ZAN: variants seen among roughly 807,000 people sequenced by gnomAD.
ZAN encodes zonadhesin (gene/pseudogene).
A neutral mutation model predicts 286.2 loss-of-function variants in ZAN; 260 were observed. That is an observed-to-expected ratio of 0.91 (90% CI 0.82 to 1.01). The LOEUF (loss-of-function observed/expected upper bound fraction) is 1.01. Among genes scored for constraint, ZAN ranks in the 50% least tolerant of loss-of-function variants. ZAN has a pLI of 0.00. For synonymous variants in ZAN, 1,368 were observed against 1,417.5 expected (o/e 0.97, Z 0.79); for missense variants, 3,410 against 3,639.2 (o/e 0.94, Z 1.62).
At chr7:100,792,912 G>C (rs1812082913) in intron 42 of ZAN, among the ~76,000 whole-genome samples, 2 of 147,292 alleles carry the variant, frequency 1.4e-5, no homozygotes, top group East Asian at 3.9e-4. Flanking sequence ...AGGAGTTCCA[G>C]CCAGGCTGCA....
chr7:100,735,257 A>G (rs1440414150), intron 2 of ZAN, among the ~76,000 whole-genome samples: 1 of 138,338 alleles, frequency 7.2e-6, no homozygotes, highest in Non-Finnish European at 1.6e-5. Flanking sequence ...GAACAAGTAG[A>G]ACTTCAACAA....
intron 23 of ZAN, 42 bp from the exon 24 acceptor site, chr7:100,766,482 CA>C (rs11296431): frequency 0.34 from 521,954 of 1,518,780 alleles, 91,198 homozygotes; most frequent in African/African-American, 0.52. Flanking sequence ...CAAAACAAAG[CA>C]AAAAAAAACA....
chr7:100,738,090 G>A (rs1807440743), intron 6 of ZAN, among the ~76,000 whole-genome samples: 1 of 139,888 alleles, frequency 7.1e-6, no homozygotes, highest in Admixed American at 7.1e-5. Context: ...CCAAGTAGCT[G>A]GGATTACAGG....
At position 100,797,713 on chromosome 7, in the gene ZAN, T is replaced by C. The variant is rs776481881; in HGVS notation, c.8420T>C (p.Val2807Ala). The part of the protein sequence containing the change: ...RLARLVDTDT[V>A]LDCAC The stretch of plus-strand genomic sequence containing the variant: ...TTTCTTGCTTTCTCCTCAGATACTG[T>C]TCTGGACTGTGCCTGTTAAGTTGCT... The change falls in exon 48 of 48, where the codon GTT (valine) becomes GCT (alanine). Residue 2807 changes from valine (V) to alanine (A), a missense_variant. By Grantham distance (64) the Val-to-Ala change is moderately conservative (BLOSUM62 0). This residue lies in a region of ZAN where 1,289 missense variants were observed against 1,314.3 expected (regional missense o/e 0.98). Coordinates refer to ENST00000613979, the MANE Select transcript of ZAN (RefSeq NM_003386.3). 1 of 1,613,978 alleles carries C rather than the reference T, an allele frequency of 6.2e-7. No homozygotes were observed. The highest frequency in any genetic ancestry group is 8.5e-7 in the Non-Finnish European group (1 of 1,179,892).
intron 17 of ZAN, 116 bp from the exon 18 acceptor site, chr7:100,759,605 G>T (rs1167549673): frequency 2.7e-5 from 36 of 1,347,734 alleles, no homozygotes; most frequent in Non-Finnish European, 3.4e-5. Flanking sequence ...ACTGGACTTT[G>T]GGGCTGGTGT....
chr7:100,760,868 AT>A (rs887507239), intron 19 of ZAN, among the ~76,000 whole-genome samples: 3 of 152,072 alleles, frequency 2.0e-5, no homozygotes, highest in Non-Finnish European at 4.4e-5. Context: ...GGCTCCCCAG[AT>A]GGACAAAACA....
chr7:100,772,878 T>C (rs142417548), intron 29 of ZAN, among the ~76,000 whole-genome samples: 1 of 148,002 alleles, frequency 6.8e-6, no homozygotes, highest in Non-Finnish European at 1.5e-5. Context: ...TTGTTTGTTT[T>C]TTTTTTTTTT....
In ZAN at chr7:100,775,336, G is replaced by T. The variant is rs1465856183; in HGVS notation, c.5788G>T (p.Val1930Leu). The change falls in exon 32 of 48, where the codon GTG becomes TTG. Residue 1930 changes from valine (V) to leucine (L), a missense_variant. Physicochemically the swap from Val to Leu is conservative, Grantham distance 32. This residue lies in a region of ZAN where 1,289 missense variants were observed against 1,314.3 expected (regional missense o/e 0.98). Coordinates refer to ENST00000613979, the MANE Select transcript of ZAN (RefSeq NM_003386.3). Reference protein sequence around the residue: ...LLHCRASGVGVCQLPGESHYV... With the variant: ...LLHCRASGVGLCQLPGESHYV... ...TCTCTCTGTCCTCCCAGGTGTGGGA[G>T]TGTGTCAGCTCCCAGGGGAGTCCCA... is the stretch of plus-strand genomic sequence containing the variant. The T allele has an allele frequency of 1.2e-6, 2 of 1,613,064 alleles. No homozygotes were observed. The highest frequency in any genetic ancestry group is 4.5e-5 in the East Asian group (2 of 44,878).
rs1393879280 is a variant in ZAN, at chr7:100,737,352, G to A, written c.613+3G>A. 2 of 1,454,476 alleles carry A rather than the reference G, an allele frequency of 1.4e-6. No homozygotes were observed. Among genetic ancestry groups the A allele is most frequent in the South Asian group, 1.2e-5 (1 of 81,786 alleles). The allele number at this position is 1,454,476 out of a possible 1,614,324, so 90.1% of individuals were successfully genotyped here. On this transcript the variant is annotated splice_donor_region_variant and intron_variant, in intron 6 of 47. Coordinates refer to ENST00000613979, the MANE Select transcript of ZAN (RefSeq NM_003386.3). ...CCGCCGGGGCTCCTGTAATCGCGGT[G>A]AGTCCCTGTCCCTCCTCCCGCCTGC...
intron 26 of ZAN, 95 bp from the exon 27 acceptor site, chr7:100,768,515 A>C: frequency 9.8e-7 from 1 of 1,015,884 alleles, no homozygotes; most frequent in African/African-American, 1.6e-5. Flanking sequence ...CTTGCTATGT[A>C]GAATGAAAAG....
In ZAN at chr7:100,767,923, C is replaced by G. The variant is rs1287622056; in HGVS notation, c.4953C>G (p.Asn1651Lys). ...LSSNLVLLYTNFGLQVRYDGS... is the reference protein window; with the variant it reads ...LSSNLVLLYTKFGLQVRYDGS... ...GCAACCTCGTCCTCCTCTACACGAA[C>G]TTTGGGCTCCAAGTTCGCTACGACG... The change falls in exon 26 of 48, where the codon AAC (asparagine) becomes AAG (lysine). Residue 1651 changes from asparagine (N) to lysine (K), a missense_variant. By Grantham distance (94) the Asn-to-Lys change is moderately conservative (BLOSUM62 0). This residue lies in a region of ZAN where 1,042 missense variants were observed against 1,058.0 expected (regional missense o/e 0.98). Coordinates refer to ENST00000613979, the MANE Select transcript of ZAN (RefSeq NM_003386.3). 6.2e-7 allele frequency: 1 copy of G among 1,613,876 alleles called. No homozygotes were observed. The highest frequency in any genetic ancestry group is 1.7e-5 in the Admixed American group (1 of 59,978).
At chr7:100,796,973 A>C (rs535549078) in intron 45 of ZAN, among the ~76,000 whole-genome samples, 4 of 152,212 alleles carry the variant, frequency 2.6e-5, no homozygotes, top group Admixed American at 2.6e-4. Context: ...CCATCTCTAC[A>C]AAAAATCACG....
chr7:100,765,315 T>C, intron 22 of ZAN, 37 bp from the exon 23 acceptor site: 3 of 1,606,802 alleles, frequency 1.9e-6, no homozygotes, highest in Non-Finnish European at 2.5e-6. Flanking sequence ...CCGTGGCTTG[T>C]TCGTCTCCTT....
chr7:100,750,320 G>A lies in ZAN; in HGVS notation c.1250-305G>A, dbSNP rs183752345. On this transcript the variant is annotated intron_variant, in intron 11 of 47. Transcript: ENST00000613979. ...CCCAGCTAATTTTTGTATTTTTAGT[G>A]GAGACGGGGTTTCACCATGTTGGCC... Among the ~76,000 whole-genome samples, 612 of 151,886 alleles carry A rather than the reference G, an allele frequency of 4.0e-3. 4 individuals carry two copies. Among genetic ancestry groups the A allele is most frequent in the African/African-American group, 0.014 (573 of 41,456 alleles).
chr7:100,794,768 T>G (rs1209315827), intron 44 of ZAN, among the ~76,000 whole-genome samples: 1 of 151,562 alleles, frequency 6.6e-6, no homozygotes, highest in Non-Finnish European at 1.5e-5. Flanking sequence ...GCCCAAGAAA[T>G]TGAGGCTACA....
Position 100,755,329 on chromosome 7 carries a change from C to CA in ZAN, c.3230dup (p.Asn1077LysfsTer7). The CA allele has an allele frequency of 6.2e-7, 1 of 1,613,894 alleles. No individual in the cohort carries two copies. Among genetic ancestry groups the CA allele is most frequent in the Non-Finnish European group, 8.5e-7 (1 of 1,179,878 alleles). On this transcript the variant is annotated frameshift_variant, in exon 15 of 48. Transcript: ENST00000613979. LOFTEE classifies it high-confidence loss of function. The stretch of plus-strand genomic sequence containing the variant: ...CCCTCTGTCGGGAGGGCTGTGTCTG[C>CA]AACCCTGGCTTTTTGTTTAGTGACA...
intron 34 of ZAN, among the ~76,000 whole-genome samples, chr7:100,778,373 G>A (rs1810959562): frequency 6.6e-6 from 1 of 150,944 alleles, no homozygotes; most frequent in South Asian, 2.1e-4. Flanking sequence ...TGAGGCCAAT[G>A]TGGGAGGATT....
intron 37 of ZAN, among the ~76,000 whole-genome samples, chr7:100,787,539 G>A (rs978068052): frequency 1.3e-5 from 2 of 151,940 alleles, no homozygotes; most frequent in Admixed American, 1.3e-4. Flanking sequence ...ACCTGGGCAG[G>A]GTCCCTTCTC....
At chr7:100,780,556 C>T (rs920358934) in intron 35 of ZAN, among the ~76,000 whole-genome samples, 1 of 151,610 alleles carries the variant, frequency 6.6e-6, no homozygotes, top group Admixed American at 6.6e-5. Flanking sequence ...TGCCTGTGGT[C>T]CCAGCTACTT....
Sources: allele counts gnomAD v4.1 joint callset (sites outside exome capture counted in the v4.1 genomes callset), GRCh38; gene constraint gnomAD v4.1.1; regional missense constraint gnomAD v4.1.1; transcripts MANE v1.5; gene names NCBI Gene and HGNC (gene_info 2026-07-23, HGNC 2026-07-21).